RHOU: variants seen among roughly 807,000 people sequenced by gnomAD.
The protein encoded by RHOU is ras homolog family member U, also known as rho-related GTP-binding protein RhoU.
RHOU carries 8 observed loss-of-function variants against 12.6 expected under a neutral mutation model. The observed-to-expected ratio is 0.64, with a 90% CI of 0.37 to 1.15. The LOEUF (loss-of-function observed/expected upper bound fraction) is 1.15, where lower values mean the gene tolerates loss of function less well. Ranked by LOEUF, RHOU falls within the 50% of genes most tolerant of loss-of-function variation. The probability of loss-of-function intolerance (pLI) is 0.01; values close to 1 mark genes in which losing one functional copy is unlikely to be tolerated. For synonymous variants in RHOU, 161 were observed against 147.4 expected (o/e 1.09, Z -0.67); for missense variants, 258 against 347.0 (o/e 0.74, Z 2.04).
At position 228,738,816 on chromosome 1, in the gene RHOU, C is replaced by T. The variant is rs1187354941; in HGVS notation, c.321+1085C>T. ...CAGCTTGGAAAAACCAAGCACTGTC[C>T]GTATTGTATTGTCTGTAGAAAACAA... On this transcript the variant is annotated intron_variant, in intron 2 of 2. Coordinates refer to ENST00000366691, the MANE Select transcript of RHOU (RefSeq NM_021205.6). This position sits in a 1 kb window ranked among gnomAD's most constrained non-coding sequence, Gnocchi z 4.2. 6.6e-5 allele frequency among the ~76,000 whole-genome samples: 10 copies of T among 152,212 alleles called. No homozygotes were observed. Among genetic ancestry groups the T allele is most frequent in the South Asian group, 6.2e-4 (3 of 4,814 alleles).
chr1:228,652,713 C>A, the RHOU span, among the ~76,000 whole-genome samples: 1 of 152,074 alleles, frequency 6.6e-6, no homozygotes, highest in Non-Finnish European at 1.5e-5. Flanking sequence ...CATGAAATTG[C>A]TAATAAGATT....
chr1:228,731,951 A>AT (rs1161671833), upstream of RHOU, among the ~76,000 whole-genome samples: 3 of 152,196 alleles, frequency 2.0e-5, no homozygotes, highest in African/African-American at 7.2e-5. Context: ...GGTGTAATGC[A>AT]TTTTTTGTCT....
the RHOU span, among the ~76,000 whole-genome samples, chr1:228,649,067 G>A: frequency 1.3e-5 from 2 of 152,092 alleles, no homozygotes; most frequent in African/African-American, 2.4e-5. Context: ...GTTTCTGCAC[G>A]TTGGCCAGTC....
chr1:228,721,128 C>A, the RHOU span, among the ~76,000 whole-genome samples: 3 of 152,148 alleles, frequency 2.0e-5, no homozygotes, highest in African/African-American at 4.8e-5. Context: ...ATGGTGAAAC[C>A]CTGTCTCTAC....
chr1:228,734,242 T>C (rs2102713485), upstream of RHOU, among the ~76,000 whole-genome samples: 1 of 152,302 alleles, frequency 6.6e-6, no homozygotes, highest in Admixed American at 6.5e-5. Context: ...TACACATTGC[T>C]AGGTCTTCCA....
At chr1:228,708,152 A>T in the RHOU span, among the ~76,000 whole-genome samples, 2 of 152,180 alleles carry the variant, frequency 1.3e-5, no homozygotes, top group South Asian at 4.1e-4. Flanking sequence ...GAAATATGGG[A>T]CTATGTGAAA....
the RHOU span, among the ~76,000 whole-genome samples, chr1:228,708,111 A>C: frequency 6.6e-6 from 1 of 152,216 alleles, no homozygotes; most frequent in Admixed American, 6.5e-5. Flanking sequence ...TTAGAGAAAA[A>C]AGAATAAAAA....
the RHOU span, among the ~76,000 whole-genome samples, chr1:228,675,008 C>A: frequency 6.6e-6 from 1 of 152,134 alleles, no homozygotes; most frequent in African/African-American, 2.4e-5. Context: ...GGATTACAGG[C>A]GTGAGCCACC....
the RHOU span, among the ~76,000 whole-genome samples, chr1:228,682,694 T>C: frequency 2.0e-5 from 3 of 151,980 alleles, no homozygotes; most frequent in Admixed American, 6.6e-5. Context: ...TAATGTTGAG[T>C]AAAGAGGAAA....
the RHOU span, among the ~76,000 whole-genome samples, chr1:228,661,870 A>G: frequency 6.6e-6 from 1 of 152,254 alleles, no homozygotes; most frequent in Non-Finnish European, 1.5e-5. Context: ...AGCCAAAGAA[A>G]CTACCATCAG....
the RHOU span, among the ~76,000 whole-genome samples, chr1:228,678,992 C>T: frequency 2.0e-5 from 3 of 151,584 alleles, no homozygotes; most frequent in Admixed American, 6.6e-5. Flanking sequence ...CATAGCCCTG[C>T]ACTTCGGCTG....
the RHOU span, among the ~76,000 whole-genome samples, chr1:228,697,649 G>A: frequency 2.0e-5 from 3 of 152,302 alleles, no homozygotes; most frequent in African/African-American, 7.2e-5. Flanking sequence ...GAAATGCACC[G>A]ATGAGGGAAG....
chr1:228,713,505 C>CT, the RHOU span, among the ~76,000 whole-genome samples: 1 of 152,078 alleles, frequency 6.6e-6, no homozygotes, highest in South Asian at 2.1e-4. Flanking sequence ...TTTATTTCTA[C>CT]TTTTTGTAGA....
chr1:228,705,430 T>G, the RHOU span, among the ~76,000 whole-genome samples: 3 of 152,324 alleles, frequency 2.0e-5, no homozygotes, highest in East Asian at 5.8e-4. Flanking sequence ...CTGCAGAAAT[T>G]AAGCAATTAA....
chr1:228,663,840 C>T, the RHOU span, among the ~76,000 whole-genome samples: 1 of 151,476 alleles, frequency 6.6e-6, no homozygotes, highest in African/African-American at 2.4e-5. Context: ...ACCATGTTGG[C>T]CAGGCTGGTC....
At chr1:228,706,050 A>C in the RHOU span, among the ~76,000 whole-genome samples, 1 of 152,190 alleles carries the variant, frequency 6.6e-6, no homozygotes, top group African/African-American at 2.4e-5. Flanking sequence ...TATTTCAAAA[A>C]ACAAAAAAAA....
At chr1:228,674,579 C>T in the RHOU span, among the ~76,000 whole-genome samples, 2 of 151,948 alleles carry the variant, frequency 1.3e-5, no homozygotes, top group African/African-American at 4.8e-5. Flanking sequence ...CTCCTGACCT[C>T]CAGTGATCTG....
At chr1:228,702,583 C>T in the RHOU span, among the ~76,000 whole-genome samples, 2 of 152,178 alleles carry the variant, frequency 1.3e-5, no homozygotes, top group Non-Finnish European at 2.9e-5. Flanking sequence ...CATAAGCTCA[C>T]AGTCAAATCA....
chr1:228,681,823 A>C, the RHOU span, among the ~76,000 whole-genome samples: 1 of 152,126 alleles, frequency 6.6e-6, no homozygotes, highest in East Asian at 1.9e-4. Context: ...ATAGTAAAGG[A>C]GGCAAGTTTA....
Sources: allele counts gnomAD v4.1 joint callset (sites outside exome capture counted in the v4.1 genomes callset), GRCh38; gene constraint gnomAD v4.1.1; non-coding constraint Gnocchi (gnomAD v3.1); transcripts MANE v1.5; gene names NCBI Gene and HGNC (gene_info 2026-07-23, HGNC 2026-07-21).